The following MATN2 variants were observed in gnomAD, a reference collection of about 807,000 sequenced individuals.
The protein encoded by MATN2 is matrilin 2.
In MATN2, 69 loss-of-function variants were observed where a neutral mutation model predicts 103.2. The ratio of observed to expected loss-of-function variants is 0.67; its 90% CI spans 0.55 to 0.82. The LOEUF is 0.82. Among genes scored for constraint, MATN2 ranks in the 40% least tolerant of loss-of-function variants. The pLI is 0.00. For missense variants in MATN2, 1,023 were observed against 1,211.5 expected, an observed-to-expected ratio of 0.84 and a Z score of 2.31; for synonymous variants, 429 against 450.2, an observed-to-expected ratio of 0.95 and a Z score of 0.60.
chr8:97,876,182 T>C (rs1818062261), intron 1 of MATN2, among the ~76,000 whole-genome samples: 1 of 144,962 alleles, frequency 6.9e-6, no homozygotes, highest in African/African-American at 2.8e-5. Flanking sequence ...TGGCTAATTA[T>C]TGTATTTTTT....
At chr8:97,942,039 G>T (rs564895090) in intron 4 of MATN2, 140 bp downstream of exon 4, 103 of 1,110,928 alleles carry the variant, frequency 9.3e-5, no homozygotes, top group Non-Finnish European at 1.3e-4. Context: ...ATAAAGTTTG[G>T]TATTTTCTGT....
At chr8:97,938,294 C>A (rs552653538) in intron 3 of MATN2, among the ~76,000 whole-genome samples, 2 of 152,210 alleles carry the variant, frequency 1.3e-5, no homozygotes, top group African/African-American at 4.8e-5. Context: ...AAAGCAAATG[C>A]AAATTAAAAG....
At chr8:97,876,037 T>C (rs1818057300) in intron 1 of MATN2, among the ~76,000 whole-genome samples, 1 of 142,398 alleles carries the variant, frequency 7.0e-6, no homozygotes, top group South Asian at 2.3e-4. Flanking sequence ...TTTTTTTCTT[T>C]TGAGACATGG....
At chr8:98,019,423 T>C (rs1016549729) in intron 12 of MATN2, among the ~76,000 whole-genome samples, 1 of 152,188 alleles carries the variant, frequency 6.6e-6, no homozygotes, top group South Asian at 2.1e-4. Context: ...TCAGTCTTTT[T>C]CTCTTTAGGC....
rs1246320499 is a variant in MATN2, at chr8:98,030,565, C to A, written c.2460C>A (p.Phe820Leu). Residue 820 changes from phenylalanine (F) to leucine (L), a missense_variant, in exon 15 of 19, where the codon TTC becomes TTA. Transcript: ENST00000254898. ...AGCATCTCTTCTATGCCGAAGACTT[C>A]AGCACAATGGATGAGATAAGTGAAA... ...TNKHLFYAEDFSTMDEISEKL... is the reference protein window; with the variant it reads ...TNKHLFYAEDLSTMDEISEKL... 6 of 1,613,860 alleles carry A rather than the reference C, an allele frequency of 3.7e-6. No individual in the cohort carries two copies. Among genetic ancestry groups the A allele is most frequent in the African/African-American group, 1.3e-5 (1 of 74,926 alleles).
chr8:97,971,418 A>G lies in MATN2; in HGVS notation c.959-7468A>G, dbSNP rs575574073. Among the ~76,000 whole-genome samples the G allele has an allele frequency of 4.9e-4, 74 of 152,298 alleles. 1 individual carries two copies. In the South Asian group the frequency reaches 0.014, roughly 30 times the overall value. On this transcript the variant is annotated intron_variant, in intron 5 of 18. Coordinates refer to ENST00000254898, the MANE Select transcript of MATN2 (RefSeq NM_002380.5). ...CACATTTGAGTAAGTGGAACGTTCA[A>G]TTCCAGCACCAGAGTTCCAACTCCC... is the stretch of plus-strand genomic sequence containing the variant.
At chr8:97,951,154 C>T (rs1810937944) in intron 4 of MATN2, among the ~76,000 whole-genome samples, 1 of 152,188 alleles carries the variant, frequency 6.6e-6, no homozygotes, top group Non-Finnish European at 1.5e-5. Flanking sequence ...ATGCCGTCAT[C>T]CAGCTTCCCC....
intron 7 of MATN2, among the ~76,000 whole-genome samples, chr8:98,000,095 G>C (rs1182135358): frequency 2.0e-5 from 3 of 151,286 alleles, no homozygotes; most frequent in African/African-American, 7.3e-5. Flanking sequence ...TGGCCAGGCT[G>C]GTCTTGAACT....
At chr8:97,913,118 A>G (rs145735622) in intron 2 of MATN2, among the ~76,000 whole-genome samples, 298 of 152,282 alleles carry the variant, frequency 2.0e-3, no homozygotes, top group South Asian at 0.011. Flanking sequence ...GCTTGCTGGC[A>G]GAGCCACCAT....
At chr8:97,962,558 T>C (rs1397192934) in intron 5 of MATN2, among the ~76,000 whole-genome samples, 1 of 152,216 alleles carries the variant, frequency 6.6e-6, no homozygotes, top group Non-Finnish European at 1.5e-5. Flanking sequence ...CCTCTGCCTC[T>C]GACTCTCATC....
At chr8:98,032,519 TTTTG>T (rs1814071836) in intron 16 of MATN2, among the ~76,000 whole-genome samples, 1 of 151,814 alleles carries the variant, frequency 6.6e-6, no homozygotes, top group South Asian at 2.1e-4. Flanking sequence ...GACAGTGTTT[TTTTG>T]TTTTTGTTTT....
At chr8:98,019,084 C>G (rs536103026) in intron 12 of MATN2, among the ~76,000 whole-genome samples, 1 of 146,780 alleles carries the variant, frequency 6.8e-6, no homozygotes, top group African/African-American at 2.5e-5. Flanking sequence ...TCTGTTCTAT[C>G]TTCTATTTAT....
Position 98,032,267 on chromosome 8 carries a change from G to C in MATN2, c.2531G>C (p.Arg844Thr). 1 of 1,612,052 alleles carries C rather than the reference G, an allele frequency of 6.2e-7. No homozygotes were observed. Among genetic ancestry groups the C allele is most frequent in the Non-Finnish European group, 8.5e-7 (1 of 1,179,028 alleles). The change falls in exon 16 of 19, where the codon AGA (arginine) becomes ACA (threonine). Residue 844 changes from arginine to threonine, a missense_variant. Physicochemically the swap from Arg to Thr is moderately conservative, Grantham distance 71. Transcript: ENST00000254898. ...ICEALEDSDG[R>T]QDSPAGELPK... ...TCAGCTCTAGAAGACTCCGATGGAA[G>C]ACAGGACTCTCCAGCAGGGGAACTG... is the stretch of plus-strand genomic sequence containing the variant.
chr8:97,932,147 G>A lies in MATN2; in HGVS notation c.712+625G>A, dbSNP rs141740627. On this transcript the variant is annotated intron_variant, in intron 3 of 18. Coordinates refer to ENST00000254898, the MANE Select transcript of MATN2 (RefSeq NM_002380.5). ...GGAGATTGCCCTGGGGAAGGGACAC[G>A]TAAGCCCAAACCACAGAATGAGGAA... 3.9e-5 allele frequency among the ~76,000 whole-genome samples: 6 copies of A among 152,254 alleles called. No individual in the cohort carries two copies. In the South Asian group the frequency reaches 6.2e-4, roughly 16 times the overall value.
intron 4 of MATN2, among the ~76,000 whole-genome samples, chr8:97,960,102 G>A (rs1340524297): frequency 6.6e-6 from 1 of 152,026 alleles, no homozygotes; most frequent in East Asian, 1.9e-4. Context: ...GATTACAGGC[G>A]CGTGCCACCA....
intron 2 of MATN2, among the ~76,000 whole-genome samples, chr8:97,926,900 C>T (rs1266644213): frequency 6.6e-6 from 1 of 152,174 alleles, no homozygotes; most frequent in East Asian, 1.9e-4. Flanking sequence ...TGCATGCCTA[C>T]AAAGATAAAT....
At chr8:97,989,424 G>A (rs550250839) in intron 6 of MATN2, among the ~76,000 whole-genome samples, 10 of 149,646 alleles carry the variant, frequency 6.7e-5, no homozygotes, top group East Asian at 2.0e-4. Flanking sequence ...AGCCGAGATC[G>A]TGCCACTGCA....
chr8:97,930,785 C>A (rs773953501), intron 2 of MATN2, among the ~76,000 whole-genome samples, 168 bp from the exon 3 acceptor site: 17 of 152,044 alleles, frequency 1.1e-4, no homozygotes, highest in Non-Finnish European at 2.5e-4. Context: ...CCACACCCGG[C>A]TAATTTTTGT....
intron 6 of MATN2, among the ~76,000 whole-genome samples, chr8:97,990,172 ACT>A (rs1188447286): frequency 5.3e-5 from 6 of 114,242 alleles, no homozygotes; most frequent in South Asian, 6.6e-4. Context: ...ACAGAGCAAG[ACT>A]CTGTCAAAAA....
Sources: allele counts gnomAD v4.1 joint callset (sites outside exome capture counted in the v4.1 genomes callset), GRCh38; gene constraint gnomAD v4.1.1; transcripts MANE v1.5; gene names NCBI Gene and HGNC (gene_info 2026-07-23, HGNC 2026-07-21).